The following ABCD2 variants were observed in gnomAD, a reference collection of about 807,000 sequenced individuals.
ABCD2 encodes ATP binding cassette subfamily D member 2, also known as ATP-binding cassette sub-family D member 2.
ABCD2 carries 36 observed loss-of-function variants against 70.9 expected under a neutral mutation model. The ratio of observed to expected loss-of-function variants is 0.51; its 90% CI spans 0.39 to 0.67. The LOEUF (loss-of-function observed/expected upper bound fraction) is 0.67, where lower values mean the gene tolerates loss of function less well. Among genes scored for constraint, ABCD2 ranks in the 30% least tolerant of loss-of-function variants. The pLI, the probability that ABCD2 is intolerant of heterozygous loss-of-function variation, is 0.00. For synonymous variants in ABCD2, 304 were observed against 306.9 expected (o/e 0.99, Z 0.10); for missense variants, 729 against 890.2 (o/e 0.82, Z 2.30).
intron 6 of ABCD2, among the ~76,000 whole-genome samples, chr12:39,595,776 G>C (rs1941807344): frequency 6.6e-6 from 1 of 152,172 alleles, no homozygotes; most frequent in Non-Finnish European, 1.5e-5. Flanking sequence ...AAAATAATGA[G>C]TGTTGTGGAA....
intron 6 of ABCD2, among the ~76,000 whole-genome samples, chr12:39,598,412 T>C (rs1199737384): frequency 6.6e-6 from 1 of 152,164 alleles, no homozygotes; most frequent in Admixed American, 6.6e-5. Flanking sequence ...TATATATACA[T>C]TTTTTGAGGT....
At chr12:39,562,449 A>G (rs1941274071) in intron 9 of ABCD2, among the ~76,000 whole-genome samples, 2 of 152,094 alleles carry the variant, frequency 1.3e-5, no homozygotes, top group African/African-American at 2.4e-5. Context: ...TTTATCTAGA[A>G]TAAGAAAAAA....
At position 39,619,056 on chromosome 12, in the gene ABCD2, T is replaced by C; in HGVS notation, c.560A>G (p.Tyr187Cys). The stretch of plus-strand genomic sequence containing the variant: ...TTTATAATAAGTCTGATTTGTAAAA[T>C]AGGTTTCATAGGCGTGGTCTACTAG... ...TRLVDHAYET[Y>C]FTNQTYYKVI... The change falls in exon 1 of 10, where the codon TAT becomes TGT. Residue 187 changes from tyrosine to cysteine, a missense_variant. Physicochemically the swap from Tyr to Cys is radical, Grantham distance 194 (BLOSUM62 -2). This residue lies in a region of ABCD2 where 245 missense variants were observed against 261.2 expected (regional missense o/e 0.94). Transcript: ENST00000308666. 2.5e-6 allele frequency: 4 copies of C among 1,614,160 alleles called. No homozygotes were observed. Among genetic ancestry groups the C allele is most frequent in the Non-Finnish European group, 2.5e-6 (3 of 1,180,010 alleles).
chr12:39,579,634 A>G lies in ABCD2; in HGVS notation c.1793-15T>C. 1 of 1,570,442 alleles carries G rather than the reference A, an allele frequency of 6.4e-7. No homozygotes were observed. The highest frequency in any genetic ancestry group is 8.7e-7 in the Non-Finnish European group (1 of 1,148,042). ...AGCATCCCATCCTTAAGAAAATAAA[A>G]AAATATACATTTTTATAAATCATTT... is the stretch of plus-strand genomic sequence containing the variant. On this transcript the variant is annotated splice_polypyrimidine_tract_variant and intron_variant, in intron 7 of 9. Transcript: ENST00000308666.
At chr12:39,546,106 A>G (rs1941023123), downstream of ABCD2, among the ~76,000 whole-genome samples, 1 of 152,160 alleles carries the variant, frequency 6.6e-6, no homozygotes, top group Non-Finnish European at 1.5e-5. Flanking sequence ...AATAAATATT[A>G]TGAAATTCCC....
At chr12:39,576,349 C>T (rs1225722808) in intron 8 of ABCD2, among the ~76,000 whole-genome samples, 6 of 151,936 alleles carry the variant, frequency 3.9e-5, no homozygotes, top group Non-Finnish European at 8.8e-5. Flanking sequence ...TTTGTAGAGA[C>T]GGGGTTTCAC....
chr12:39,553,225 C>T lies in ABCD2; in HGVS notation c.*687G>A, dbSNP rs533458969. 3 of 151,956 alleles carry T rather than the reference C, an allele frequency of 2.0e-5. No homozygotes were observed. In the East Asian group the frequency reaches 5.8e-4, roughly 29 times the overall value. 9.4% of individuals were successfully genotyped at this position (151,956 alleles called of 1,614,324 possible). On this transcript the variant is annotated 3_prime_UTR_variant, in exon 10 of 10. Coordinates refer to ENST00000308666, the MANE Select transcript of ABCD2 (RefSeq NM_005164.4). Reference sequence around the variant, plus strand: ...ACTCCTTTTCTGTATTGGCAATTCTCTTTTTAAAATGAAAGGATTTATTAA... The same window carrying T: ...ACTCCTTTTCTGTATTGGCAATTCTTTTTTTAAAATGAAAGGATTTATTAA...
At chr12:39,536,490 T>A in the ABCD2 span, among the ~76,000 whole-genome samples, 1 of 152,210 alleles carries the variant, frequency 6.6e-6, no homozygotes, top group Non-Finnish European at 1.5e-5. Flanking sequence ...GTTCTTATAT[T>A]TGGCAAAATT....
chr12:39,538,250 A>G, the ABCD2 span, among the ~76,000 whole-genome samples: 6 of 149,152 alleles, frequency 4.0e-5, no homozygotes, highest in Non-Finnish European at 7.4e-5. Context: ...TCTCACTGCA[A>G]CCTCCACCTC....
At chr12:39,611,138 G>C (rs1234268019) in intron 2 of ABCD2, among the ~76,000 whole-genome samples, 1 of 152,104 alleles carries the variant, frequency 6.6e-6, no homozygotes, top group Non-Finnish European at 1.5e-5. Context: ...AGAAAAGATG[G>C]GGAAGAATTT....
At chr12:39,548,887 T>C (rs972604313), downstream of ABCD2, among the ~76,000 whole-genome samples, 2 of 151,998 alleles carry the variant, frequency 1.3e-5, no homozygotes, top group African/African-American at 4.8e-5. Context: ...TTTGTTTCTA[T>C]ATTGGGTCAC....
chr12:39,543,264 T>C, the ABCD2 span, among the ~76,000 whole-genome samples: 37 of 152,326 alleles, frequency 2.4e-4, no homozygotes, highest in African/African-American at 8.9e-4. Context: ...TCTGAGAAGA[T>C]GAGAGAGAGA....
chr12:39,602,707 T>C (rs1392568010), intron 5 of ABCD2, among the ~76,000 whole-genome samples: 1 of 152,180 alleles, frequency 6.6e-6, no homozygotes, highest in Non-Finnish European at 1.5e-5. Context: ...GTTTAGTTTA[T>C]TCTATGTAAA....
At chr12:39,565,395 T>A (rs1025756196) in intron 9 of ABCD2, among the ~76,000 whole-genome samples, 1 of 152,206 alleles carries the variant, frequency 6.6e-6, no homozygotes, top group African/African-American at 2.4e-5. Context: ...GAAGCAATTG[T>A]GAATGGGAGT....
intron 7 of ABCD2, among the ~76,000 whole-genome samples, chr12:39,581,116 T>G (rs1192740361): frequency 1.3e-5 from 2 of 152,082 alleles, no homozygotes; most frequent in African/African-American, 4.8e-5. Context: ...AAAAAATGTA[T>G]AAAAGCATAA....
At chr12:39,538,009 C>G in the ABCD2 span, among the ~76,000 whole-genome samples, 2 of 152,096 alleles carry the variant, frequency 1.3e-5, no homozygotes, top group Non-Finnish European at 2.9e-5. Flanking sequence ...AACACTTCAC[C>G]TATGACAGGA....
At chr12:39,538,933 A>G in the ABCD2 span, among the ~76,000 whole-genome samples, 2 of 152,188 alleles carry the variant, frequency 1.3e-5, no homozygotes, top group South Asian at 4.1e-4. Context: ...ACAGAGGACT[A>G]TAAAACCCCT....
intron 7 of ABCD2, among the ~76,000 whole-genome samples, chr12:39,581,928 C>T (rs894551001): frequency 4.6e-5 from 7 of 152,216 alleles, no homozygotes; most frequent in African/African-American, 1.7e-4. Context: ...TTCTTTAGTT[C>T]GTGTCCATTT....
At chr12:39,611,170 T>C (rs1383386626) in intron 2 of ABCD2, among the ~76,000 whole-genome samples, 1 of 152,200 alleles carries the variant, frequency 6.6e-6, no homozygotes, top group Non-Finnish European at 1.5e-5. Context: ...TTATGCCTTA[T>C]ATATTTACCA....
Sources: gnomAD v4.1 joint callset for allele counts (sites outside exome capture counted in the v4.1 genomes callset) on GRCh38, gnomAD v4.1.1 for gene constraint, gnomAD v4.1.1 regional missense constraint, MANE v1.5 for transcripts, NCBI Gene and HGNC (gene_info 2026-07-23, HGNC 2026-07-21) for gene names.